Variants in NKAIN2 observed in about 807,000 individuals in gnomAD.
NKAIN2 encodes sodium/potassium-transporting ATPase subunit beta-1-interacting protein 2.
A neutral mutation model predicts 32.6 loss-of-function variants in NKAIN2; 14 were observed. That is an observed-to-expected ratio of 0.43 (90% CI 0.28 to 0.67). The LOEUF is 0.67. NKAIN2 is among the 30% of genes least tolerant of loss of function. NKAIN2 has a pLI of 0.17. For missense variants in NKAIN2, 198 were observed against 258.3 expected, an observed-to-expected ratio of 0.77 and a Z score of 1.60; for synonymous variants, 80 against 87.2, an observed-to-expected ratio of 0.92 and a Z score of 0.46.
chr6:124,334,164 T>C (rs544685403), intron 2 of NKAIN2, among the ~76,000 whole-genome samples: 102 of 152,332 alleles, frequency 6.7e-4, no homozygotes, highest in Non-Finnish European at 1.3e-3. Context: ...AATATTTAGA[T>C]TTGAGCACAT....
intron 3 of NKAIN2, among the ~76,000 whole-genome samples, chr6:124,365,879 A>C (rs981603118): frequency 2.6e-5 from 4 of 152,050 alleles, no homozygotes; most frequent in African/African-American, 4.8e-5. Flanking sequence ...ATATACTTCT[A>C]AACCTATGGA....
At chr6:124,032,820 G>T (rs1021924994) in intron 1 of NKAIN2, among the ~76,000 whole-genome samples, 2 of 151,816 alleles carry the variant, frequency 1.3e-5, no homozygotes, top group African/African-American at 4.8e-5. Context: ...TTCCTTCATT[G>T]TATTGCCATG....
intron 1 of NKAIN2, among the ~76,000 whole-genome samples, chr6:123,864,460 C>A (rs1327966079): frequency 6.6e-6 from 1 of 152,056 alleles, no homozygotes; most frequent in Non-Finnish European, 1.5e-5. Flanking sequence ...AAACTGAGTC[C>A]CTATTCTTAT....
At chr6:124,135,383 A>G (rs1039443892) in intron 1 of NKAIN2, among the ~76,000 whole-genome samples, 16 of 152,158 alleles carry the variant, frequency 1.1e-4, no homozygotes, top group African/African-American at 3.9e-4. Flanking sequence ...CAAGAGACTC[A>G]CCTAACACAT....
At chr6:124,327,535 AG>A (rs1172774843) in intron 2 of NKAIN2, among the ~76,000 whole-genome samples, 1 of 152,122 alleles carries the variant, frequency 6.6e-6, no homozygotes, top group Non-Finnish European at 1.5e-5. Context: ...TGAAGAGAAG[AG>A]GTGATAGCAA....
intron 3 of NKAIN2, among the ~76,000 whole-genome samples, chr6:124,489,632 C>T (rs1777783974): frequency 6.6e-6 from 1 of 151,748 alleles, no homozygotes; most frequent in African/African-American, 2.4e-5. Context: ...TTATTAAAGA[C>T]AATTCTGAAA....
intron 1 of NKAIN2, among the ~76,000 whole-genome samples, chr6:124,100,710 G>C (rs1182795904): frequency 6.6e-6 from 1 of 152,190 alleles, no homozygotes; most frequent in Non-Finnish European, 1.5e-5. Context: ...AGATAGTTCT[G>C]CTTTGTTACG....
chr6:124,359,543 G>C (rs1384682061), intron 3 of NKAIN2, among the ~76,000 whole-genome samples: 1 of 152,092 alleles, frequency 6.6e-6, no homozygotes, highest in African/African-American at 2.4e-5. Context: ...AATTGTGAAT[G>C]GGAGTTCACT....
At chr6:124,103,815 C>T (rs1784995660) in intron 1 of NKAIN2, among the ~76,000 whole-genome samples, 4 of 151,986 alleles carry the variant, frequency 2.6e-5, no homozygotes, top group Non-Finnish European at 4.4e-5. Context: ...GGGCCGGGTG[C>T]GGTGGCTCAT....
intron 4 of NKAIN2, among the ~76,000 whole-genome samples, chr6:124,760,884 G>A (rs921374035): frequency 6.6e-6 from 1 of 152,144 alleles, no homozygotes; most frequent in African/African-American, 2.4e-5. Flanking sequence ...CCTTGAGAAT[G>A]AGCCACGGAT....
intron 6 of NKAIN2, among the ~76,000 whole-genome samples, chr6:124,820,506 A>G (rs1781350427): frequency 6.6e-6 from 1 of 152,244 alleles, no homozygotes; most frequent in African/African-American, 2.4e-5. Context: ...CATTAGTGGT[A>G]GAATAATGCT....
At chr6:124,183,514 A>G (rs1389097600) in intron 1 of NKAIN2, among the ~76,000 whole-genome samples, 4 of 152,094 alleles carry the variant, frequency 2.6e-5, no homozygotes, top group African/African-American at 9.7e-5. Context: ...ACATAGCCTC[A>G]TTATTTTCTC....
chr6:124,454,913 A>G (rs1236183242), intron 3 of NKAIN2, among the ~76,000 whole-genome samples: 2 of 152,082 alleles, frequency 1.3e-5, no homozygotes, highest in Non-Finnish European at 2.9e-5. Flanking sequence ...TATAAAGATA[A>G]GCACTCAGCC....
intron 1 of NKAIN2, among the ~76,000 whole-genome samples, chr6:124,268,853 T>G (rs1031395399): frequency 6.6e-6 from 1 of 152,098 alleles, no homozygotes; most frequent in African/African-American, 2.4e-5. Flanking sequence ...ATAACAGCCA[T>G]GTAACCTTGG....
intron 4 of NKAIN2, among the ~76,000 whole-genome samples, chr6:124,748,517 T>G (rs1777558060): frequency 6.6e-6 from 1 of 152,008 alleles, no homozygotes; most frequent in Non-Finnish European, 1.5e-5. Context: ...CCAAAGAGCT[T>G]CTTTGTTTCC....
At chr6:124,368,234 C>T (rs1799606207) in intron 3 of NKAIN2, among the ~76,000 whole-genome samples, 1 of 152,062 alleles carries the variant, frequency 6.6e-6, no homozygotes, top group Non-Finnish European at 1.5e-5. Context: ...ACTATGCTTG[C>T]ATATTTCCAC....
intron 1 of NKAIN2, among the ~76,000 whole-genome samples, chr6:123,881,857 G>A (rs960144101): frequency 7.9e-5 from 12 of 152,052 alleles, no homozygotes; most frequent in African/African-American, 2.9e-4. Flanking sequence ...TTTCATACAT[G>A]AATATGACAC....
chr6:124,337,512 A>C (rs1259260758), intron 2 of NKAIN2, among the ~76,000 whole-genome samples: 1 of 152,152 alleles, frequency 6.6e-6, no homozygotes, highest in African/African-American at 2.4e-5. Context: ...GTCTCAAAAA[A>C]CCAAACCAAA....
intron 4 of NKAIN2, among the ~76,000 whole-genome samples, chr6:124,685,098 A>C (rs558838325): frequency 1.8e-3 from 274 of 152,230 alleles, no homozygotes; most frequent in Middle Eastern, 3.4e-3. Context: ...ATGGTATTGG[A>C]AGTCATTTGT....
Sources: allele counts gnomAD v4.1 joint callset (sites outside exome capture counted in the v4.1 genomes callset), GRCh38; gene constraint gnomAD v4.1.1; transcripts MANE v1.5; gene names NCBI Gene and HGNC (gene_info 2026-07-23, HGNC 2026-07-21).